Variants in SYNJ2 observed in about 807,000 individuals in gnomAD.
SYNJ2 encodes polyphosphatidylinositol phosphatase SYNJ2.
In SYNJ2, 116 loss-of-function variants were observed where a neutral mutation model predicts 141.3. The observed-to-expected ratio is 0.82, with a 90% CI of 0.71 to 0.96. The LOEUF (loss-of-function observed/expected upper bound fraction) is 0.96. Ranked by LOEUF, SYNJ2 falls within the 40% of genes least tolerant of loss-of-function variation. SYNJ2 has a pLI of 0.00. For missense variants in SYNJ2, 1,873 were observed against 1,934.8 expected (o/e 0.97, Z 0.60); for synonymous variants, 745 against 777.7 (o/e 0.96, Z 0.70).
At chr6:157,994,577 A>G (rs6906464) in intron 1 of SYNJ2, among the ~76,000 whole-genome samples, 1 of 152,018 alleles carries the variant, frequency 6.6e-6, no homozygotes, top group South Asian at 2.1e-4. Context: ...GCTCAGAACC[A>G]CAGCTGGGTG....
chr6:158,046,241 C>G (rs555063432), intron 5 of SYNJ2, among the ~76,000 whole-genome samples: 1 of 151,810 alleles, frequency 6.6e-6, no homozygotes, highest in Non-Finnish European at 1.5e-5. Context: ...CCATCGCGCC[C>G]GGCCTCCATG....
intron 3 of SYNJ2, among the ~76,000 whole-genome samples, chr6:158,032,704 G>A (rs1413762933): frequency 6.6e-6 from 1 of 152,194 alleles, no homozygotes; most frequent in East Asian, 1.9e-4. Context: ...GGTCACTGAT[G>A]ATACCTTTCA....
At chr6:158,004,320 TG>T (rs1777970117) in intron 1 of SYNJ2, among the ~76,000 whole-genome samples, 1 of 152,084 alleles carries the variant, frequency 6.6e-6, no homozygotes, top group Non-Finnish European at 1.5e-5. Context: ...AAACAGGTTG[TG>T]GTACAGAAGC....
Position 158,071,548 on chromosome 6 carries a change from G to C in SYNJ2, c.1941-54G>C. On this transcript the variant is annotated intron_variant, in intron 14 of 26. Transcript: ENST00000355585. The surrounding 1 kb of genome is among the most constrained non-coding windows in gnomAD (Gnocchi z 4.3). ...CTGGGCCCTTCTCTGTGGCAAAGCAGGGTCACACTTCTCCTTCAGGAGCCG... is the reference window on the plus strand; with the variant it reads ...CTGGGCCCTTCTCTGTGGCAAAGCACGGTCACACTTCTCCTTCAGGAGCCG... 1 of 1,572,296 alleles carries C rather than the reference G, an allele frequency of 6.4e-7. No individual in the cohort carries two copies. Among genetic ancestry groups the C allele is most frequent in the Non-Finnish European group, 8.6e-7 (1 of 1,159,512 alleles).
intron 16 of SYNJ2, among the ~76,000 whole-genome samples, chr6:158,075,412 G>A (rs547592057): frequency 8.6e-5 from 13 of 151,770 alleles, no homozygotes; most frequent in African/African-American, 2.4e-4. Flanking sequence ...AGGCCGAGGC[G>A]TGCGGATCAC....
chr6:158,086,680 GC>G (rs1302845519), intron 22 of SYNJ2, among the ~76,000 whole-genome samples, 174 bp from the exon 23 acceptor site: 1 of 152,110 alleles, frequency 6.6e-6, no homozygotes, highest in African/African-American at 2.4e-5. Flanking sequence ...GGCACTGGGT[GC>G]CCTCCCCGCC....
At chr6:158,053,568 C>G (rs925821620) in intron 5 of SYNJ2, among the ~76,000 whole-genome samples, 3 of 151,954 alleles carry the variant, frequency 2.0e-5, no homozygotes, top group Non-Finnish European at 4.4e-5. Flanking sequence ...CCCATCCATT[C>G]ATCCACTCAT....
rs1474101201 is a variant in SYNJ2 at position 158,070,195 on chromosome 6, G to T, written c.1940+522G>T. The T allele has an allele frequency of 1.0e-6, 1 of 985,358 alleles. No individual in the cohort carries two copies. The allele number at this position is 985,358 out of a possible 1,614,324, so 61.0% of individuals were successfully genotyped here. ...TGTGGGTGTGGGTGTTTGGATGCTG[G>T]AGGAACTCATCTTTTCCCCAGCTTG... On this transcript the variant is annotated intron_variant, in intron 14 of 26. Transcript: ENST00000355585. The surrounding 1 kb of genome is among the most constrained non-coding windows in gnomAD (Gnocchi z 4.0).
chr6:157,996,962 C>T (rs961814349), intron 1 of SYNJ2, among the ~76,000 whole-genome samples: 3 of 152,070 alleles, frequency 2.0e-5, no homozygotes, highest in Non-Finnish European at 4.4e-5. Flanking sequence ...TATAGCAGTG[C>T]GAGAACAGAC....
Position 158,093,050 on chromosome 6 carries a change from GC to G in SYNJ2, c.3695del (p.Pro1232HisfsTer12), listed in dbSNP as rs771695279. On this transcript the variant is annotated frameshift_variant, in exon 26 of 27. Coordinates refer to ENST00000355585, the MANE Select transcript of SYNJ2 (RefSeq NM_003898.4). LOFTEE classifies it high-confidence loss of function. ...AGGCGCCCCCACTCCTTCCCCGTCGGCCCCCACCCAGAGTTCCTGCCATCAA... is the reference window on the plus strand; with the variant it reads ...AGGCGCCCCCACTCCTTCCCCGTCGGCCCCACCCAGAGTTCCTGCCATCAA... The part of the protein sequence containing the change: ...PQAPPLLPRR[P>X]PPRVPAIKKP... The G allele has an allele frequency of 1.2e-6, 2 of 1,608,704 alleles. No homozygotes were observed. Among genetic ancestry groups the G allele is most frequent in the Admixed American group, 3.5e-5 (2 of 57,648 alleles).
chr6:158,008,344 T>G (rs1481419073), intron 1 of SYNJ2, among the ~76,000 whole-genome samples: 14 of 152,262 alleles, frequency 9.2e-5, no homozygotes, highest in Admixed American at 9.2e-4. Flanking sequence ...TGAAATAATG[T>G]GATGCCTGGA....
At chr6:158,000,269 G>T (rs192669903) in intron 1 of SYNJ2, among the ~76,000 whole-genome samples, 4 of 152,058 alleles carry the variant, frequency 2.6e-5, no homozygotes, top group African/African-American at 9.7e-5. Context: ...GCCTCTGTAC[G>T]TAAGAGCAGA....
intron 1 of SYNJ2, among the ~76,000 whole-genome samples, chr6:158,004,279 C>T (rs1673863560): frequency 6.6e-6 from 1 of 152,092 alleles, no homozygotes. Flanking sequence ...GAGGTCAGCA[C>T]AAGATACAGG....
At chr6:158,036,489 A>G (rs1358748560) in intron 4 of SYNJ2, among the ~76,000 whole-genome samples, 1 of 152,180 alleles carries the variant, frequency 6.6e-6, no homozygotes, top group African/African-American at 2.4e-5. Context: ...GCTGGAGGCC[A>G]TTACCCTAAG....
intron 10 of SYNJ2, 21 bp from the exon 11 acceptor site, chr6:158,064,805 T>C (rs750066798): frequency 1.2e-6 from 2 of 1,610,406 alleles, no homozygotes; most frequent in South Asian, 2.2e-5. Context: ...CCTCACGGCC[T>C]GCGGTCTGGG....
chr6:158,078,017 TGGCTTCAA>T (rs1782426860), intron 17 of SYNJ2, 139 bp from the exon 18 acceptor site: 1 of 629,334 alleles, frequency 1.6e-6, no homozygotes, highest in African/African-American at 1.8e-5. Context: ...ATCCGAAGCC[TGGCTTCAA>T]GGTGGAGGAG....
At chr6:158,021,297 C>T (rs1338978676) in intron 2 of SYNJ2, among the ~76,000 whole-genome samples, 1 of 152,230 alleles carries the variant, frequency 6.6e-6, no homozygotes, top group Non-Finnish European at 1.5e-5. Context: ...CTAGTTCCCA[C>T]TTCACAGCTG....
intron 2 of SYNJ2, among the ~76,000 whole-genome samples, chr6:158,021,201 G>T (rs2128330477): frequency 6.6e-6 from 1 of 152,294 alleles, no homozygotes; most frequent in Non-Finnish European, 1.5e-5. Flanking sequence ...ATAATGAATT[G>T]TGTCTCCTGG....
intron 2 of SYNJ2, among the ~76,000 whole-genome samples, chr6:158,019,706 C>A (rs1406668212): frequency 6.6e-6 from 1 of 152,226 alleles, no homozygotes; most frequent in Non-Finnish European, 1.5e-5. Flanking sequence ...CCCCCAACCC[C>A]TGCCCACCTG....
Sources: gnomAD v4.1 joint callset for allele counts (sites outside exome capture counted in the v4.1 genomes callset) on GRCh38, gnomAD v4.1.1 for gene constraint, Gnocchi (gnomAD v3.1) non-coding constraint, MANE v1.5 for transcripts, NCBI Gene and HGNC (gene_info 2026-07-23, HGNC 2026-07-21) for gene names.